Variants in SUCLG2 observed in about 807,000 individuals in gnomAD.
The protein encoded by SUCLG2 is succinate-CoA ligase GDP-forming subunit beta.
A neutral mutation model predicts 47.9 loss-of-function variants in SUCLG2; 42 were observed. The observed-to-expected ratio is 0.88, with a 90% confidence interval of 0.69 to 1.14. The LOEUF (loss-of-function observed/expected upper bound fraction) is 1.14. Among genes scored for constraint, SUCLG2 ranks in the 50% most tolerant of loss-of-function variants. The probability of loss-of-function intolerance (pLI) is 0.00; values close to 1 mark genes in which losing one functional copy is unlikely to be tolerated. For missense variants in SUCLG2, 571 were observed against 525.9 expected (o/e 1.09, Z -0.84); for synonymous variants, 195 against 197.3 (o/e 0.99, Z 0.10).
intron 10 of SUCLG2, among the ~76,000 whole-genome samples, chr3:67,381,967 A>G (rs1405581178): frequency 6.6e-6 from 1 of 152,210 alleles, no homozygotes; most frequent in Admixed American, 6.5e-5. Context: ...TAGTGGGCAC[A>G]TGGTACAGGA....
intron 2 of SUCLG2, among the ~76,000 whole-genome samples, chr3:67,559,813 G>A (rs1225607831): frequency 6.6e-6 from 1 of 152,012 alleles, no homozygotes; most frequent in Admixed American, 6.6e-5. Flanking sequence ...TATATAATTA[G>A]ACATTTGTCC....
At chr3:67,465,728 A>G (rs1247385294) in intron 9 of SUCLG2, among the ~76,000 whole-genome samples, 2 of 152,102 alleles carry the variant, frequency 1.3e-5, no homozygotes, top group African/African-American at 4.8e-5. Flanking sequence ...TTTTCTTTCA[A>G]AGGGATTTCT....
intron 2 of SUCLG2, among the ~76,000 whole-genome samples, chr3:67,598,496 C>T (rs757537093): frequency 9.9e-5 from 15 of 152,230 alleles, no homozygotes; most frequent in East Asian, 3.9e-4. Context: ...TCACCTACAC[C>T]GAAGAGACAG....
chr3:67,503,475 T>G (rs1705555562), intron 7 of SUCLG2, among the ~76,000 whole-genome samples: 1 of 152,224 alleles, frequency 6.6e-6, no homozygotes, highest in Non-Finnish European at 1.5e-5. Flanking sequence ...AAAAATGGAT[T>G]GATGTCTATG....
intron 10 of SUCLG2, among the ~76,000 whole-genome samples, chr3:67,366,074 A>G (rs1344280367): frequency 6.6e-6 from 1 of 152,174 alleles, no homozygotes; most frequent in African/African-American, 2.4e-5. Context: ...TAAAGACATA[A>G]AATCCCTCAC....
intron 10 of SUCLG2, among the ~76,000 whole-genome samples, chr3:67,396,033 G>A (rs559519700): frequency 2.6e-5 from 4 of 151,742 alleles, no homozygotes; most frequent in African/African-American, 9.7e-5. Context: ...TGTGTAGAGG[G>A]AAATTTATAG....
intron 1 of SUCLG2, among the ~76,000 whole-genome samples, chr3:67,616,503 T>C (rs1700631823): frequency 6.6e-6 from 1 of 152,150 alleles, no homozygotes; most frequent in Admixed American, 6.5e-5. Flanking sequence ...GCCAGTAAAC[T>C]TGGGAAGGGC....
At chr3:67,548,996 AT>A (rs942790270) in intron 2 of SUCLG2, among the ~76,000 whole-genome samples, 3 of 152,198 alleles carry the variant, frequency 2.0e-5, no homozygotes, top group South Asian at 2.1e-4. Flanking sequence ...TCAAATGGGA[AT>A]TTTTTTTAAG....
intron 2 of SUCLG2, among the ~76,000 whole-genome samples, chr3:67,582,879 A>C (rs567224734): frequency 6.6e-6 from 1 of 152,074 alleles, no homozygotes; most frequent in East Asian, 1.9e-4. Context: ...ACCAAAAAAA[A>C]CACCTTTTAT....
chr3:67,402,467 G>C (rs1352656), intron 9 of SUCLG2, among the ~76,000 whole-genome samples: 1 of 152,080 alleles, frequency 6.6e-6, no homozygotes, highest in Admixed American at 6.5e-5. Flanking sequence ...GCTACTCCCA[G>C]AAAAGAAATC....
At chr3:67,427,312 G>A (rs1452204563) in intron 9 of SUCLG2, among the ~76,000 whole-genome samples, 4 of 152,128 alleles carry the variant, frequency 2.6e-5, no homozygotes, top group African/African-American at 9.7e-5. Flanking sequence ...GTAAACAATA[G>A]AAACCAGGTC....
At chr3:67,572,475 A>T (rs1707640263) in intron 2 of SUCLG2, among the ~76,000 whole-genome samples, 1 of 152,238 alleles carries the variant, frequency 6.6e-6, no homozygotes, top group Non-Finnish European at 1.5e-5. Context: ...CTTCAACAAC[A>T]TTAAAATATC....
At chr3:67,610,753 T>C (rs1377101523) in intron 1 of SUCLG2, among the ~76,000 whole-genome samples, 1 of 152,194 alleles carries the variant, frequency 6.6e-6, no homozygotes, top group Non-Finnish European at 1.5e-5. Flanking sequence ...ACACAGATCA[T>C]AAAAGTGAGG....
chr3:67,522,780 C>T (rs1296032546), intron 4 of SUCLG2, among the ~76,000 whole-genome samples: 1 of 151,670 alleles, frequency 6.6e-6, no homozygotes, highest in Non-Finnish European at 1.5e-5. Context: ...TCTCCTGCCT[C>T]AGCCTCCCAA....
At chr3:67,557,248 T>G (rs1366678342) in intron 2 of SUCLG2, among the ~76,000 whole-genome samples, 1 of 152,234 alleles carries the variant, frequency 6.6e-6, no homozygotes, top group East Asian at 1.9e-4. Context: ...TAAGAAATAC[T>G]AATATCACAT....
intron 2 of SUCLG2, among the ~76,000 whole-genome samples, chr3:67,555,975 A>T (rs1297436722): frequency 6.6e-6 from 1 of 152,140 alleles, no homozygotes; most frequent in Non-Finnish European, 1.5e-5. Context: ...ATATATAAAC[A>T]CTTGACTATC....
intron 1 of SUCLG2, among the ~76,000 whole-genome samples, chr3:67,639,897 A>G (rs1701070416): frequency 6.6e-6 from 1 of 152,240 alleles, no homozygotes; most frequent in Non-Finnish European, 1.5e-5. Context: ...AGAATCACTC[A>G]TACACAATTC....
intron 1 of SUCLG2, among the ~76,000 whole-genome samples, chr3:67,610,321 G>C (rs1700505089): frequency 6.6e-6 from 1 of 152,118 alleles, no homozygotes. Flanking sequence ...ACTGCAACTT[G>C]TGTATTAAAG....
At chr3:67,624,160 G>A (rs900340353) in intron 1 of SUCLG2, among the ~76,000 whole-genome samples, 2 of 152,358 alleles carry the variant, frequency 1.3e-5, no homozygotes, top group South Asian at 2.1e-4. Flanking sequence ...CTGATAGCAA[G>A]AGACTTCTCA....
Sources: gnomAD v4.1 joint callset for allele counts (sites outside exome capture counted in the v4.1 genomes callset) on GRCh38, gnomAD v4.1.1 for gene constraint, MANE v1.5 for transcripts, NCBI Gene and HGNC (gene_info 2026-07-23, HGNC 2026-07-21) for gene names.